CNTLN: variants seen among roughly 807,000 people sequenced by gnomAD.
CNTLN encodes the protein centlein, centrosomal protein.
In CNTLN, 212 loss-of-function variants were observed where a neutral mutation model predicts 180.0. The ratio of observed to expected loss-of-function variants is 1.18; its 90% CI spans 1.05 to 1.32. The LOEUF (loss-of-function observed/expected upper bound fraction) is 1.32. CNTLN is among the 40% of genes most tolerant of loss of function. The pLI is 0.00. For missense variants in CNTLN, 2,095 were observed against 1,610.9 expected (o/e 1.30, Z -5.14); for synonymous variants, 722 against 563.1 (o/e 1.28, Z -3.99).
chr9:17,363,279 A>T (rs1455934718), intron 12 of CNTLN, among the ~76,000 whole-genome samples: 1 of 152,126 alleles, frequency 6.6e-6, no homozygotes, highest in Non-Finnish European at 1.5e-5. Context: ...CTGGTTCTAG[A>T]TCCTTGAGAA....
chr9:17,371,914 CAA>C (rs994855802), intron 13 of CNTLN, among the ~76,000 whole-genome samples: 18 of 151,908 alleles, frequency 1.2e-4, no homozygotes, highest in Non-Finnish European at 2.2e-4. Context: ...TTTCTTGAAA[CAA>C]ATGATAATGG....
chr9:17,519,748 C>G, the CNTLN span, among the ~76,000 whole-genome samples: 1 of 152,172 alleles, frequency 6.6e-6, no homozygotes, highest in Non-Finnish European at 1.5e-5. Flanking sequence ...TTAGCACATC[C>G]ACTCCTTAAG....
chr9:17,454,738 T>G (rs959248051), intron 18 of CNTLN, among the ~76,000 whole-genome samples: 5 of 152,142 alleles, frequency 3.3e-5, no homozygotes, highest in Non-Finnish European at 7.4e-5. Context: ...ACAAGCACCA[T>G]CTCTTTTTAA....
chr9:17,253,577 T>A (rs1299426388), intron 5 of CNTLN, among the ~76,000 whole-genome samples: 4 of 151,534 alleles, frequency 2.6e-5, no homozygotes, highest in Admixed American at 1.3e-4. Flanking sequence ...ATTTCATTAC[T>A]AATGTATGGA....
At chr9:17,349,955 T>C (rs1822225266) in intron 12 of CNTLN, among the ~76,000 whole-genome samples, 1 of 152,208 alleles carries the variant, frequency 6.6e-6, no homozygotes, top group Non-Finnish European at 1.5e-5. Flanking sequence ...GTGAAACCAC[T>C]CTTTGGAAGC....
At chr9:17,155,634 T>G (rs1042056229) in intron 2 of CNTLN, among the ~76,000 whole-genome samples, 2 of 152,124 alleles carry the variant, frequency 1.3e-5, no homozygotes, top group Admixed American at 6.6e-5. Context: ...CTGTCCCAGG[T>G]GGATCTCAGA....
chr9:17,232,530 G>C (rs1824878002), intron 3 of CNTLN, among the ~76,000 whole-genome samples: 1 of 151,730 alleles, frequency 6.6e-6, no homozygotes, highest in Non-Finnish European at 1.5e-5. Flanking sequence ...CTTGTCATTT[G>C]GTTCTTCCTA....
chr9:17,235,907 C>T (rs1825113805), intron 4 of CNTLN, 115 bp downstream of exon 4: 5 of 999,742 alleles, frequency 5.0e-6, no homozygotes, highest in Non-Finnish European at 7.2e-6. Flanking sequence ...TGCCTTAGGC[C>T]CTCCTGTACC....
chr9:17,250,548 T>C (rs953302941), intron 5 of CNTLN, among the ~76,000 whole-genome samples: 2 of 152,066 alleles, frequency 1.3e-5, no homozygotes, highest in African/African-American at 4.8e-5. Context: ...ATTGCACATA[T>C]CTTTCTAAAT....
At chr9:17,360,780 T>G (rs1823314307) in intron 12 of CNTLN, among the ~76,000 whole-genome samples, 1 of 152,264 alleles carries the variant, frequency 6.6e-6, no homozygotes. Flanking sequence ...TCATAGAAGA[T>G]GCTTTGCATG....
At chr9:17,324,054 G>A (rs2133061234) in intron 8 of CNTLN, among the ~76,000 whole-genome samples, 1 of 152,222 alleles carries the variant, frequency 6.6e-6, no homozygotes, top group East Asian at 1.9e-4. Context: ...TAGTGAATTC[G>A]AGTATGATTG....
intron 7 of CNTLN, among the ~76,000 whole-genome samples, chr9:17,304,283 A>G (rs914982887): frequency 2.6e-5 from 4 of 152,166 alleles, no homozygotes; most frequent in African/African-American, 4.8e-5. Flanking sequence ...AACACCTATC[A>G]AGATAAATAA....
intron 2 of CNTLN, among the ~76,000 whole-genome samples, chr9:17,180,410 A>G (rs1314905108): frequency 6.7e-6 from 1 of 149,494 alleles, no homozygotes; most frequent in African/African-American, 2.4e-5. Flanking sequence ...TACTGGTATC[A>G]ATATTTTACT....
intron 23 of CNTLN, among the ~76,000 whole-genome samples, chr9:17,474,112 C>G (rs959048369): frequency 6.6e-6 from 1 of 152,122 alleles, no homozygotes; most frequent in African/African-American, 2.4e-5. Flanking sequence ...TGTACCAACA[C>G]TGTAATTTAA....
At chr9:17,417,521 G>A (rs376217287) in intron 18 of CNTLN, among the ~76,000 whole-genome samples, 25 of 151,964 alleles carry the variant, frequency 1.6e-4, no homozygotes, top group African/African-American at 4.8e-4. Flanking sequence ...GAACTTTTTG[G>A]TGTTCTCTTA....
intron 25 of CNTLN, among the ~76,000 whole-genome samples, chr9:17,489,758 A>G (rs1260457251): frequency 6.6e-6 from 1 of 151,956 alleles, no homozygotes; most frequent in East Asian, 1.9e-4. Context: ...TTGATACAGA[A>G]CTCAGATATA....
chr9:17,316,818 C>T (rs1351521855), intron 8 of CNTLN, among the ~76,000 whole-genome samples: 3 of 151,904 alleles, frequency 2.0e-5, no homozygotes, highest in Non-Finnish European at 4.4e-5. Context: ...TTCCTTAGTG[C>T]TTACCCTGGG....
chr9:17,366,666 G>C lies in CNTLN; in HGVS notation c.1936G>C (p.Asp646His), dbSNP rs777062656. ...LDELKVHISI[D>H]KAAIQELNRC... ...TGAACTTAAAGTACATATATCTATT[G>C]ATAAGGCAGCAATACAAGAATTGAA... is the stretch of plus-strand genomic sequence containing the variant. The change falls in exon 13 of 26, where the codon GAT becomes CAT. Residue 646 changes from aspartate (D) to histidine (H), a missense_variant. Asp to His is a moderately conservative substitution (Grantham distance 81). Coordinates refer to ENST00000380647, the MANE Select transcript of CNTLN (RefSeq NM_017738.4). 6.3e-7 allele frequency: 1 copy of C among 1,590,242 alleles called. No individual in the cohort carries two copies. Among genetic ancestry groups the C allele is most frequent in the East Asian group, 2.3e-5 (1 of 44,072 alleles).
chr9:17,486,804 G>A (rs3780256), intron 24 of CNTLN, among the ~76,000 whole-genome samples, 185 bp from the exon 25 acceptor site: 61,079 of 151,862 alleles, frequency 0.4, 14,097 homozygotes, highest in South Asian at 0.57. Context: ...TATATCTTCC[G>A]TAGTACGTAT....
Sources: gnomAD v4.1 joint callset for allele counts (sites outside exome capture counted in the v4.1 genomes callset) on GRCh38, gnomAD v4.1.1 for gene constraint, MANE v1.5 for transcripts, NCBI Gene and HGNC (gene_info 2026-07-23, HGNC 2026-07-21) for gene names.